The following TMEM71 variants were observed in gnomAD, a reference collection of about 807,000 sequenced individuals.
TMEM71 encodes transmembrane protein 71.
In TMEM71, 44 loss-of-function variants were observed where a neutral mutation model predicts 38.0. The ratio of observed to expected loss-of-function variants is 1.16; its 90% confidence interval spans 0.91 to 1.49. The LOEUF (loss-of-function observed/expected upper bound fraction) is 1.49, where lower values mean the gene tolerates loss of function less well. Among genes scored for constraint, TMEM71 ranks in the 40% most tolerant of loss-of-function variants. The pLI is 0.00. For synonymous variants in TMEM71, 133 were observed against 122.5 expected (o/e 1.09, Z -0.56); for missense variants, 367 against 348.6 (o/e 1.05, Z -0.42).
At chr8:132,771,328 C>T in the TMEM71 span, among the ~76,000 whole-genome samples, 10 of 152,180 alleles carry the variant, frequency 6.6e-5, no homozygotes, top group Non-Finnish European at 1.2e-4. Context: ...TCTGTTCACT[C>T]TCTTGCTTCA....
chr8:132,775,724 C>T, the TMEM71 span: 1 of 301,936 alleles, frequency 3.3e-6, no homozygotes, highest in African/African-American at 2.2e-5. Flanking sequence ...TCTGGTGTCT[C>T]TCTTTCCGGC....
At chr8:132,775,248 A>T in the TMEM71 span, 16 of 316,144 alleles carry the variant, frequency 5.1e-5, no homozygotes, top group East Asian at 7.9e-4. Context: ...TCCGTCAACG[A>T]CCGCAAAGCC....
intron 3 of TMEM71, among the ~76,000 whole-genome samples, chr8:132,754,630 C>A (rs997802569): frequency 2.0e-5 from 3 of 152,170 alleles, no homozygotes; most frequent in African/African-American, 7.2e-5. Flanking sequence ...AATGCCTATG[C>A]TTTCCATTGC....
chr8:132,774,323 T>A, the TMEM71 span, among the ~76,000 whole-genome samples: 2 of 152,226 alleles, frequency 1.3e-5, no homozygotes, highest in African/African-American at 4.8e-5. Context: ...AGAGACTGTC[T>A]TATTTATATC....
At chr8:132,741,339 C>T (rs1461800600) in intron 5 of TMEM71, among the ~76,000 whole-genome samples, 19 of 152,204 alleles carry the variant, frequency 1.2e-4, no homozygotes, top group Non-Finnish European at 2.1e-4. Context: ...GTCGGTGGGT[C>T]TCTCCCCATG....
intron 1 of TMEM71, among the ~76,000 whole-genome samples, chr8:132,760,102 G>A (rs1829247275): frequency 6.6e-6 from 1 of 151,940 alleles, no homozygotes; most frequent in East Asian, 1.9e-4. Flanking sequence ...TGCAGCAAAA[G>A]AAGGTCTTAT....
chr8:132,718,611 A>C (rs1307015699), intron 7 of TMEM71, among the ~76,000 whole-genome samples: 1 of 151,976 alleles, frequency 6.6e-6, no homozygotes, highest in Non-Finnish European at 1.5e-5. Context: ...GTTAGCCAGG[A>C]TGGCCTCCAT....
At chr8:132,730,097 T>A (rs563337294) in intron 5 of TMEM71, among the ~76,000 whole-genome samples, 24 of 152,116 alleles carry the variant, frequency 1.6e-4, no homozygotes, top group Non-Finnish European at 3.4e-4. Flanking sequence ...TAGCTGGGAT[T>A]ACAGGCATGT....
chr8:132,721,199 A>C (rs1169641690), intron 7 of TMEM71, among the ~76,000 whole-genome samples: 1 of 152,250 alleles, frequency 6.6e-6, no homozygotes, highest in African/African-American at 2.4e-5. Context: ...TGGGCCTAGC[A>C]CCAAGGAACC....
At position 132,710,496 on chromosome 8, in the gene TMEM71, T is replaced by C; in HGVS notation, c.*471A>G. 4.4e-6 allele frequency: 1 copy of C among 226,284 alleles called. No homozygotes were observed. The highest frequency in any genetic ancestry group is 9.8e-5 in the East Asian group (1 of 10,196). The allele number at this position is 226,284 out of a possible 1,614,324, so 14.0% of individuals were successfully genotyped here. A position where few individuals can be genotyped will look rare whatever the true frequency, so the allele number is the denominator to read the frequency against. ...TTATATTTTATGTACAAATTGCATT[T>C]ATTGTTATTCAAGTTGTCAGGTTGG... On this transcript the variant is annotated 3_prime_UTR_variant, in exon 10 of 10. Transcript: ENST00000677595.
At position 132,721,040 on chromosome 8, in the gene TMEM71, C is replaced by T. The variant is rs77913530; in HGVS notation, c.752+1000G>A. ...GGTGCATGCGACAAAGAGTGGCATG[C>T]TATTTATAAAGGATTTTCAGGGAAG... On this transcript the variant is annotated intron_variant, in intron 7 of 9. Transcript: ENST00000677595. Among the ~76,000 whole-genome samples, 1,088 of 152,246 alleles carry T rather than the reference C, an allele frequency of 7.1e-3. 16 individuals carry two copies. Among genetic ancestry groups the T allele is most frequent in the African/African-American group, 0.025 (1,050 of 41,532 alleles).
At chr8:132,752,468 C>T (rs1468597928) in intron 3 of TMEM71, among the ~76,000 whole-genome samples, 1 of 152,170 alleles carries the variant, frequency 6.6e-6, no homozygotes, top group South Asian at 2.1e-4. Flanking sequence ...GCAAATTTCC[C>T]TCCAGGCTGG....
intron 5 of TMEM71, among the ~76,000 whole-genome samples, chr8:132,742,406 A>G (rs1828095371): frequency 6.6e-6 from 1 of 152,016 alleles, no homozygotes; most frequent in Non-Finnish European, 1.5e-5. Context: ...ACAAAAAAAC[A>G]CTCCGATGTT....
the TMEM71 span, chr8:132,775,397 C>CGGCGGCGGA: frequency 7.6e-5 from 29 of 380,184 alleles, no homozygotes; most frequent in East Asian, 4.3e-4. Context: ...CAGGGCTGGC[C>CGGCGGCGGA]GGCGGCGGAG....
At chr8:132,741,736 C>T (rs903935717) in intron 5 of TMEM71, among the ~76,000 whole-genome samples, 6 of 152,182 alleles carry the variant, frequency 3.9e-5, no homozygotes, top group East Asian at 3.9e-4. Flanking sequence ...AACATGAAGG[C>T]GGACTAGGAG....
At chr8:132,714,882 C>A (rs1264223799) in intron 7 of TMEM71, among the ~76,000 whole-genome samples, 1 of 152,050 alleles carries the variant, frequency 6.6e-6, no homozygotes, top group East Asian at 1.9e-4. Context: ...ATAAGCAACC[C>A]ACTTGAAAAA....
chr8:132,758,491 C>A, intron 2 of TMEM71: 2 of 206,120 alleles, frequency 9.7e-6, no homozygotes, highest in South Asian at 1.7e-4. Flanking sequence ...GTTTTAACAG[C>A]GCTCTTATTT....
the TMEM71 span, chr8:132,775,470 C>T: frequency 2.6e-6 from 1 of 381,394 alleles, no homozygotes; most frequent in Non-Finnish European, 4.6e-6. Flanking sequence ...GACCCAGCTC[C>T]CTCCCGCGAA....
chr8:132,724,166 G>A (rs962413511), intron 6 of TMEM71, among the ~76,000 whole-genome samples: 6 of 152,242 alleles, frequency 3.9e-5, no homozygotes, highest in South Asian at 4.2e-4. Flanking sequence ...TATGTTCAGC[G>A]GTGCACATAC....
Sources: gnomAD v4.1 joint callset for allele counts (sites outside exome capture counted in the v4.1 genomes callset) on GRCh38, gnomAD v4.1.1 for gene constraint, MANE v1.5 for transcripts, NCBI Gene and HGNC (gene_info 2026-07-23, HGNC 2026-07-21) for gene names.